The following GREP1 variants were observed in gnomAD, a reference collection of about 807,000 sequenced individuals.
The protein encoded by GREP1 is glycine rich extracellular protein 1.
Position 2,993,099 on chromosome 16 carries a change from G to A in GREP1, c.385+136G>A, listed in dbSNP as rs564434896. The A allele has an allele frequency of 9.8e-4, 386 of 395,696 alleles. No individual in the cohort carries two copies. The South Asian group carries it at 0.011, about 11-fold the overall frequency. The allele number at this position is 395,696 out of a possible 1,614,324, so 24.5% of individuals were successfully genotyped here. ...GAATAGGAATGGGTGGGGAGTCGGG[G>A]CCTTCCTGGGAGCTGGAACCCAGGC... On this transcript the variant is annotated intron_variant, in intron 10 of 34. Coordinates refer to ENST00000573315, the Ensembl canonical transcript of GREP1.
In GREP1 at chr16:2,996,546, G is replaced by A. The variant is rs916563359; in HGVS notation, c.712+15G>A. The A allele has an allele frequency of 7.5e-6, 3 of 399,282 alleles. No homozygotes were observed. Among genetic ancestry groups the A allele is most frequent in the Non-Finnish European group, 1.3e-5 (3 of 226,358 alleles). 24.7% of individuals were successfully genotyped at this position (399,282 alleles called of 1,614,324 possible). A position where few individuals can be genotyped will look rare whatever the true frequency, so the allele number is the denominator to read the frequency against. ...AGTCCAGCCAGGTGAGGGCAGCTGG[G>A]CCTGGCTCGCGAGGGGTCGGGAGGT... On this transcript the variant is annotated intron_variant, in intron 19 of 34. Transcript: ENST00000573315.
chr16:2,993,016 T>G, intron 10 of GREP1, 53 bp downstream of exon 11: 1 of 398,794 alleles, frequency 2.5e-6, no homozygotes. Flanking sequence ...CATCTGCCGC[T>G]GCTTCCCTAG....
exon 35 of GREP1, chr16:3,001,834 C>G: frequency 2.6e-6 from 1 of 392,114 alleles, no homozygotes; most frequent in Non-Finnish European, 4.5e-6. Context: ...ATGTTCCCAA[C>G]AGGAGAAATC....
In GREP1 at chr16:2,998,440, C is replaced by T. The variant is rs976783340; in HGVS notation, c.982+52C>T. 32 of 399,278 alleles carry T rather than the reference C, an allele frequency of 8.0e-5. No homozygotes were observed. The Middle Eastern group carries it at 2.5e-3, about 31-fold the overall frequency. 24.7% of individuals were successfully genotyped at this position (399,278 alleles called of 1,614,324 possible). A position where few individuals can be genotyped will look rare whatever the true frequency, so the allele number is the denominator to read the frequency against. On this transcript the variant is annotated intron_variant, in intron 24 of 34. Coordinates refer to ENST00000573315, the Ensembl canonical transcript of GREP1. ...CCACACCTCCTTCTGCCTCTCAGCCCTTCTAGCCTCTGCCCCCAGTGTTGC... is the reference window on the plus strand; with the variant it reads ...CCACACCTCCTTCTGCCTCTCAGCCTTTCTAGCCTCTGCCCCCAGTGTTGC...
intron 25 of GREP1, 136 bp downstream of exon 23, chr16:2,998,659 G>C (rs1030959054): frequency 2.8e-5 from 11 of 397,828 alleles, no homozygotes; most frequent in African/African-American, 6.2e-5. Context: ...GGATCCCCAG[G>C]TCCCCCCAGG....
intron 33 of GREP1, 126 bp downstream of exon 27, chr16:3,000,953 G>GGAGT: frequency 2.5e-6 from 1 of 398,542 alleles, no homozygotes; most frequent in Non-Finnish European, 4.4e-6. Context: ...CGGAGGGGAT[G>GGAGT]GAGTGAGTGA....
At chr16:2,988,993 G>C in intron 2 of GREP1, 1 of 283,648 alleles carries the variant, frequency 3.5e-6, no homozygotes, top group Non-Finnish European at 6.5e-6. Flanking sequence ...TCATGGAAGA[G>C]TCTTTACTTC....
intron 10 of GREP1, 70 bp downstream of exon 11, chr16:2,993,033 T>C (rs1274138486): frequency 5.0e-6 from 2 of 398,358 alleles, no homozygotes; most frequent in Non-Finnish European, 8.9e-6. Flanking sequence ...CTAGAGTCCC[T>C]GATCTCCCCA....
intron 13 of GREP1, 37 bp downstream of exon 14, chr16:2,994,999 T>C (rs763064007): frequency 1.3e-5 from 5 of 398,884 alleles, no homozygotes; most frequent in Non-Finnish European, 1.8e-5. Flanking sequence ...AGGGTCTGCA[T>C]CTGGGCGGCC....
chr16:2,997,055 T>C, exon 21 of GREP1: 2 of 399,060 alleles, frequency 5.0e-6, no homozygotes, highest in Non-Finnish European at 4.4e-6. Context: ...TTCACCAGGC[T>C]ATTTGGGGGT....
Position 2,992,471 on chromosome 16 carries a change from A to C in GREP1, c.323-334A>C. ...CCGAAGGGGCTGGGGTGGCTGGGGG[A>C]GAGGTCAGGGGCCCAGGGCCACACT... On this transcript the variant is annotated intron_variant, in intron 8 of 34. Coordinates refer to ENST00000573315, the Ensembl canonical transcript of GREP1. This position sits in a 1 kb window ranked among gnomAD's most constrained non-coding sequence, Gnocchi z 4.9. 1 of 202,928 alleles carries C rather than the reference A, an allele frequency of 4.9e-6. No individual in the cohort carries two copies. The highest frequency in any genetic ancestry group is 9.8e-6 in the Non-Finnish European group (1 of 101,894). The allele number at this position is 202,928 out of a possible 1,614,324, so 12.6% of individuals were successfully genotyped here.
intron 27 of GREP1, chr16:2,999,355 A>G (rs2072445707): frequency 5.0e-6 from 2 of 398,266 alleles, no homozygotes; most frequent in Non-Finnish European, 4.4e-6. Context: ...ACTCTCAGCT[A>G]GGTCTATCCT....
chr16:2,999,930 G>A (rs966322505), exon 28 of GREP1: 12 of 398,954 alleles, frequency 3.0e-5, no homozygotes, highest in South Asian at 2.5e-4. Flanking sequence ...GCTATGGACC[G>A]GGAGCAGAAC....
In GREP1 at chr16:2,998,405, T is replaced by G; in HGVS notation, c.982+17T>G. 1 of 399,324 alleles carries G rather than the reference T, an allele frequency of 2.5e-6. No individual in the cohort carries two copies. 24.7% of individuals were successfully genotyped at this position (399,324 alleles called of 1,614,324 possible). A position where few individuals can be genotyped will look rare whatever the true frequency, so the allele number is the denominator to read the frequency against. ...AGAAGTCAGGTGAGTGGGGGACCCC[T>G]GGCTCTGCCCCACACCTCCTTCTGC... On this transcript the variant is annotated intron_variant, in intron 24 of 34. Coordinates refer to ENST00000573315, the Ensembl canonical transcript of GREP1.
In GREP1 at chr16:2,992,029, C is replaced by A. The variant is rs1294040719; in HGVS notation, c.323-776C>A. 1.3e-5 allele frequency: 2 copies of A among 152,728 alleles called. No homozygotes were observed. The highest frequency in any genetic ancestry group is 2.9e-5 in the Non-Finnish European group (2 of 68,394). 9.5% of individuals were successfully genotyped at this position (152,728 alleles called of 1,614,324 possible). ...AACCTCTGAAGACAGGTGTGCCTGCCCTTTCCTGTGTCCCTGTCCTCCACT... is the reference window on the plus strand; with the variant it reads ...AACCTCTGAAGACAGGTGTGCCTGCACTTTCCTGTGTCCCTGTCCTCCACT... On this transcript the variant is annotated intron_variant, in intron 8 of 34. Coordinates refer to ENST00000573315, the Ensembl canonical transcript of GREP1. The surrounding 1 kb of genome is among the most constrained non-coding windows in gnomAD (Gnocchi z 4.9).
In GREP1 at chr16:2,989,007, G is replaced by C. The variant is rs12709152; in HGVS notation, c.100+385G>C. 0.61 allele frequency: 158,929 copies of C among 261,934 alleles called. 48,852 individuals are homozygous for C. Among genetic ancestry groups the C allele is most frequent in the Admixed American group, 0.68 (12,423 of 18,364 alleles). 16.2% of individuals were successfully genotyped at this position (261,934 alleles called of 1,614,324 possible). A position where few individuals can be genotyped will look rare whatever the true frequency, so the allele number is the denominator to read the frequency against. ...GTCATGGAAGAGTCTTTACTTCAGG[G>C]ACCTGGGGGGTCCTAAGGGTAGAAG... On this transcript the variant is annotated intron_variant, in intron 2 of 34. Coordinates refer to ENST00000573315, the Ensembl canonical transcript of GREP1. This position sits in a 1 kb window ranked among gnomAD's most constrained non-coding sequence, Gnocchi z 4.2.
At chr16:2,988,856 C>A in intron 2 of GREP1, 1 of 392,332 alleles carries the variant, frequency 2.5e-6, no homozygotes, top group Non-Finnish European at 4.5e-6. Context: ...CGGGCCTGGG[C>A]AGGCTGAGAA....
intron 27 of GREP1, among the ~76,000 whole-genome samples, chr16:2,999,461 C>T (rs1053711704): frequency 6.6e-6 from 1 of 151,470 alleles, no homozygotes; most frequent in Non-Finnish European, 1.5e-5. Flanking sequence ...AGTCCCTCCC[C>T]GAGTCTACCC....
chr16:3,000,581 C>T, exon 32 of GREP1: 1 of 398,942 alleles, frequency 2.5e-6, no homozygotes, highest in Non-Finnish European at 4.4e-6. Context: ...CTGGTGTACC[C>T]CAAAGCAGCA....
Sources: allele counts gnomAD v4.1 joint callset (sites outside exome capture counted in the v4.1 genomes callset), GRCh38; gene constraint gnomAD v4.1.1; non-coding constraint Gnocchi (gnomAD v3.1); transcripts MANE v1.5; gene names NCBI Gene and HGNC (gene_info 2026-07-23, HGNC 2026-07-21).